FAM186B: variants seen among roughly 807,000 people sequenced by gnomAD.
The protein encoded by FAM186B is family with sequence similarity 186 member B, also known as protein FAM186B.
A neutral mutation model predicts 83.4 loss-of-function variants in FAM186B; 68 were observed. The ratio of observed to expected loss-of-function variants is 0.81; its 90% CI spans 0.67 to 1.00. The LOEUF is 1.00. Ranked by LOEUF, FAM186B falls within the 50% of genes least tolerant of loss-of-function variation. The pLI is 0.00. For synonymous variants in FAM186B, 389 were observed against 422.0 expected, an observed-to-expected ratio of 0.92 and a Z score of 0.96; for missense variants, 983 against 1,099.2, an observed-to-expected ratio of 0.89 and a Z score of 1.49.
At chr12:49,610,696 A>G in the FAM186B span, among the ~76,000 whole-genome samples, 1 of 151,248 alleles carries the variant, frequency 6.6e-6, no homozygotes, top group Non-Finnish European at 1.5e-5. Flanking sequence ...AGGCTGAGGC[A>G]GGAGAGTGGC....
chr12:49,603,011 T>C lies in FAM186B; in HGVS notation c.505+174A>G, dbSNP rs548992358. Among the ~76,000 whole-genome samples the C allele has an allele frequency of 4.7e-4, 72 of 152,286 alleles. 1 individual carries two copies. In the South Asian group the frequency reaches 0.014, roughly 31 times the overall value. Reference sequence around the variant, plus strand: ...GCGCTGAAGGACAGCTCAGAGCTGCTCAGTGCTTGGCCTGGGCTCAACCCT... The same window carrying C: ...GCGCTGAAGGACAGCTCAGAGCTGCCCAGTGCTTGGCCTGGGCTCAACCCT... On this transcript the variant is annotated intron_variant, in intron 3 of 6. Transcript: ENST00000257894.
the FAM186B span, among the ~76,000 whole-genome samples, chr12:49,621,129 T>A: frequency 6.6e-6 from 1 of 152,192 alleles, no homozygotes; most frequent in Non-Finnish European, 1.5e-5. Flanking sequence ...ACGCCTGTAA[T>A]CCCAACACTT....
the FAM186B span, chr12:49,619,578 C>T: frequency 3.0e-6 from 2 of 676,872 alleles, no homozygotes; most frequent in East Asian, 5.9e-5. Flanking sequence ...GGCTATCATT[C>T]CATGTATCGG....
chr12:49,598,624 TCTC>T lies in FAM186B; in HGVS notation c.2364+128_2364+130del, dbSNP rs750536375. On this transcript the variant is annotated intron_variant, in intron 5 of 6. Coordinates refer to ENST00000257894, the MANE Select transcript of FAM186B (RefSeq NM_032130.3). The stretch of plus-strand genomic sequence containing the variant: ...CTGGTGCAGAGGCTTTATCCTGCCT[TCTC>T]CTTTCCCTTCTGCCCCTGGTCCCGC... 8.6e-4 allele frequency: 706 copies of T among 822,912 alleles called. 2 individuals carry two copies. Among genetic ancestry groups the T allele is most frequent in the Non-Finnish European group, 6.4e-4 (344 of 537,848 alleles). 51.0% of individuals were successfully genotyped at this position (822,912 alleles called of 1,614,324 possible).
At chr12:49,606,736 T>A (rs1940031888), upstream of FAM186B, among the ~76,000 whole-genome samples, 1 of 151,970 alleles carries the variant, frequency 6.6e-6, no homozygotes. Flanking sequence ...TAGCAAAAAA[T>A]AAAAAGTATA....
At position 49,601,068 on chromosome 12, in the gene FAM186B, T is replaced by G; in HGVS notation, c.572A>C (p.Gln191Pro). Reference sequence around the variant, plus strand: ...GAGCATCTGTTCTGGGCTTAGTGGCTGAGGATGGGATGGAGATGTCTGTGG... The same window carrying G: ...GAGCATCTGTTCTGGGCTTAGTGGCGGAGGATGGGATGGAGATGTCTGTGG... Reference protein sequence around the residue: ...RSPQTSPSHPQPLSPEQMLQD... With the variant: ...RSPQTSPSHPPPLSPEQMLQD... Residue 191 changes from glutamine to proline, a missense_variant, in exon 4 of 7, where the codon CAG becomes CCG. Physicochemically the swap from Gln to Pro is moderately conservative, Grantham distance 76. Transcript: ENST00000257894. The G allele has an allele frequency of 6.2e-7, 1 of 1,610,168 alleles. No homozygotes were observed. The highest frequency in any genetic ancestry group is 1.3e-5 in the African/African-American group (1 of 74,900).
In FAM186B at chr12:49,601,022, G is replaced by A. The variant is rs755643016; in HGVS notation, c.618C>T (p.Asn206=). ...EQMLQDQHTM[N]TKASEVTSML... ...TGGACGTCACCTCCGAGGCCTTCGT[G>A]TTCATGGTATGCTGGTCCTGGAGCA... The change falls in exon 4 of 7, where the codon AAC becomes AAT. Residue 206 remains asparagine, a synonymous_variant. Transcript: ENST00000257894. The A allele has an allele frequency of 6.2e-7, 1 of 1,614,188 alleles. No homozygotes were observed. The highest frequency in any genetic ancestry group is 1.1e-5 in the South Asian group (1 of 91,076).
At chr12:49,596,128 C>G (rs1189683865) in intron 5 of FAM186B, among the ~76,000 whole-genome samples, 1 of 152,172 alleles carries the variant, frequency 6.6e-6, no homozygotes, top group Non-Finnish European at 1.5e-5. Context: ...ACCGTCATTA[C>G]TGCTTTTGCC....
In FAM186B at chr12:49,604,352, TCTC is replaced by T. The variant is rs759421201; in HGVS notation, c.280_282del (p.Glu94del). 5.0e-6 allele frequency: 8 copies of T among 1,614,106 alleles called. No homozygotes were observed. In the East Asian group the frequency reaches 1.3e-4, roughly 27 times the overall value. ...CAGCGGAGAATGTCATACAGGTGCTTCTCCTTCATCATAGCATCTTTGGAGAAG... is the reference window on the plus strand; with the variant it reads ...CAGCGGAGAATGTCATACAGGTGCTTCTTCATCATAGCATCTTTGGAGAAG... On this transcript the variant is annotated inframe_deletion, in exon 2 of 7. Transcript: ENST00000257894.
intron 5 of FAM186B, among the ~76,000 whole-genome samples, chr12:49,591,068 G>C (rs1477953889): frequency 6.6e-6 from 1 of 152,070 alleles, no homozygotes; most frequent in African/African-American, 2.4e-5. Flanking sequence ...AACAGGCAGT[G>C]CAGGTCAATG....
chr12:49,599,149 G>C (rs918572834), intron 4 of FAM186B, among the ~76,000 whole-genome samples: 3 of 152,128 alleles, frequency 2.0e-5, no homozygotes, highest in Non-Finnish European at 4.4e-5. Flanking sequence ...GAAACAGAAA[G>C]AGAAAGGAAA....
Position 49,599,713 on chromosome 12 carries a change from G to A in FAM186B, c.1927C>T (p.Arg643Ter), listed in dbSNP as rs368859212. The A allele has an allele frequency of 4.3e-6, 7 of 1,613,378 alleles. No homozygotes were observed. Among genetic ancestry groups the A allele is most frequent in the South Asian group, 2.2e-5 (2 of 90,954 alleles). The change falls in exon 4 of 7, where the codon CGA (arginine) becomes TGA (stop). Residue 643 changes from arginine to a stop codon, truncating the protein, a stop_gained. Transcript: ENST00000257894. LOFTEE classifies it high-confidence loss of function. Reference sequence around the variant, plus strand: ...TGCAAAGAGGGCCAGGTCAGCCTTCGGATGGATGTCCCAGTGACAGGAAAG... The same window carrying A: ...TGCAAAGAGGGCCAGGTCAGCCTTCAGATGGATGTCCCAGTGACAGGAAAG... ...ASFPVTGTSI[R>*]RLTWPSLQIS...
rs1565803642 is a variant in FAM186B at position 49,587,610 on chromosome 12, C to CG, written c.2676dup (p.Val893ArgfsTer?). On this transcript the variant is annotated frameshift_variant, in exon 7 of 7. Coordinates refer to ENST00000257894, the MANE Select transcript of FAM186B (RefSeq NM_032130.3). LOFTEE classifies it high-confidence loss of function. ...AGGCTTTTGTGGCAGGAGGACTACACGTCCAGTGTCAACAGCCGGGGAATA... is the reference window on the plus strand; with the variant it reads ...AGGCTTTTGTGGCAGGAGGACTACACGGTCCAGTGTCAACAGCCGGGGAATA... The CG allele has an allele frequency of 6.2e-7, 1 of 1,613,440 alleles. No individual in the cohort carries two copies. Among genetic ancestry groups the CG allele is most frequent in the Non-Finnish European group, 8.5e-7 (1 of 1,179,996 alleles).
intron 5 of FAM186B, chr12:49,595,309 G>C (rs760528347): frequency 2.9e-5 from 19 of 660,242 alleles, no homozygotes; most frequent in Non-Finnish European, 5.0e-5. Flanking sequence ...TGCAAAAAAA[G>C]AGGGACCATA....
the FAM186B span, among the ~76,000 whole-genome samples, chr12:49,617,357 C>A: frequency 6.6e-6 from 1 of 152,136 alleles, no homozygotes; most frequent in Non-Finnish European, 1.5e-5. Flanking sequence ...CCAGCCTGGG[C>A]AAAATGGTGA....
upstream of FAM186B, among the ~76,000 whole-genome samples, chr12:49,606,277 T>C (rs904217874): frequency 8.6e-5 from 13 of 152,042 alleles, no homozygotes; most frequent in African/African-American, 3.1e-4. Flanking sequence ...GAGGATCACT[T>C]GAGCCCAGGA....
chr12:49,601,533 A>G (rs1181368204), intron 3 of FAM186B, among the ~76,000 whole-genome samples: 1 of 152,042 alleles, frequency 6.6e-6, no homozygotes, highest in Non-Finnish European at 1.5e-5. Context: ...ACACCCAACT[A>G]GGAAGCCTGG....
downstream of FAM186B, among the ~76,000 whole-genome samples, chr12:49,586,587 A>T (rs1218258326): frequency 6.6e-6 from 1 of 152,190 alleles, no homozygotes; most frequent in Non-Finnish European, 1.5e-5. Flanking sequence ...AAGTTTAACC[A>T]AATCTCTGCC....
chr12:49,620,181 T>C, the FAM186B span, among the ~76,000 whole-genome samples: 3 of 152,256 alleles, frequency 2.0e-5, no homozygotes, highest in Admixed American at 2.0e-4. Flanking sequence ...AAAGATGGTG[T>C]TGAAATGTCC....
Sources: gnomAD v4.1 joint callset for allele counts (sites outside exome capture counted in the v4.1 genomes callset) on GRCh38, gnomAD v4.1.1 for gene constraint, MANE v1.5 for transcripts, NCBI Gene and HGNC (gene_info 2026-07-23, HGNC 2026-07-21) for gene names.